The following DLC1 variants were observed in gnomAD, a reference collection of about 807,000 sequenced individuals.
The protein encoded by DLC1 is DLC1 Rho GTPase activating protein, also known as rho GTPase-activating protein 7.
Under a neutral mutation model 140.3 loss-of-function variants are expected in DLC1, and 54 were observed. The observed-to-expected ratio is 0.38, with a 90% CI of 0.31 to 0.48. The LOEUF is 0.48. Among genes scored for constraint, DLC1 ranks in the 20% least tolerant of loss-of-function variants. The pLI is 0.96. For missense variants in DLC1, 2,536 were observed against 1,907.0 expected, an observed-to-expected ratio of 1.33 and a Z score of -6.14; for synonymous variants, 986 against 728.1, an observed-to-expected ratio of 1.35 and a Z score of -5.70.
chr8:13,234,161 T>C (rs1213822616), intron 5 of DLC1, among the ~76,000 whole-genome samples: 1 of 152,162 alleles, frequency 6.6e-6, no homozygotes, highest in Non-Finnish European at 1.5e-5. Context: ...TCTAAAGCTG[T>C]TACCTTTTTA....
At chr8:13,460,011 T>A (rs1249229705) in intron 2 of DLC1, among the ~76,000 whole-genome samples, 1 of 152,114 alleles carries the variant, frequency 6.6e-6, no homozygotes, top group East Asian at 1.9e-4. Context: ...TTCAATTGAA[T>A]TATTTCATCT....
At chr8:13,268,998 C>CA (rs1408400384) in intron 5 of DLC1, among the ~76,000 whole-genome samples, 1 of 151,602 alleles carries the variant, frequency 6.6e-6, no homozygotes, top group Non-Finnish European at 1.5e-5. Flanking sequence ...CCTCAGCCTC[C>CA]GAGTAGCTGG....
At chr8:13,406,182 T>G (rs539566160) in intron 2 of DLC1, among the ~76,000 whole-genome samples, 1,812 of 48,470 alleles carry the variant, frequency 0.037, 45 homozygotes, top group African/African-American at 0.17. Context: ...AATTTTTGTG[T>G]TTTTTTTTTT....
At chr8:13,278,318 G>A (rs904455388) in intron 5 of DLC1, among the ~76,000 whole-genome samples, 7 of 152,200 alleles carry the variant, frequency 4.6e-5, no homozygotes, top group Non-Finnish European at 1.0e-4. Flanking sequence ...GTTTGTGTGT[G>A]TTTCTCCTTC....
intron 5 of DLC1, among the ~76,000 whole-genome samples, chr8:13,120,296 T>C (rs189911524): frequency 8.7e-5 from 12 of 137,284 alleles, no homozygotes; most frequent in South Asian, 2.3e-4. Context: ...TGAGCTGAGA[T>C]TGGGTCACTG....
intron 4 of DLC1, among the ~76,000 whole-genome samples, chr8:13,375,376 T>C (rs1422452429): frequency 6.6e-6 from 1 of 152,334 alleles, no homozygotes; most frequent in East Asian, 1.9e-4. Context: ...GAGAATTTTC[T>C]GAAGTTGCTT....
In DLC1 at chr8:13,415,686, A is replaced by G. The variant is rs545136593; in HGVS notation, c.1024-14067T>C. On this transcript the variant is annotated intron_variant, in intron 2 of 17. Coordinates refer to ENST00000276297, the MANE Select transcript of DLC1 (RefSeq NM_182643.3). ...AGTGCTGGGATTACAGGCATGAGCCACTGCAACCGGCTGATTTAATTTTTA... is the reference window on the plus strand; with the variant it reads ...AGTGCTGGGATTACAGGCATGAGCCGCTGCAACCGGCTGATTTAATTTTTA... 1.7e-4 allele frequency among the ~76,000 whole-genome samples: 26 copies of G among 152,284 alleles called. No individual in the cohort carries two copies. In the East Asian group the frequency reaches 5.0e-3, roughly 29 times the overall value.
chr8:13,157,536 A>T (rs530542340), intron 5 of DLC1, among the ~76,000 whole-genome samples: 39 of 152,190 alleles, frequency 2.6e-4, no homozygotes, highest in Non-Finnish European at 4.9e-4. Flanking sequence ...CCACACACCT[A>T]CTTTTTATTG....
In DLC1 at chr8:13,479,862, A is replaced by AAAAGG. The variant is rs1800626402; in HGVS notation, c.1023+19186_1023+19187insCCTTT. Among the ~76,000 whole-genome samples, 19 of 46,476 alleles carry AAAAGG rather than the reference A, an allele frequency of 4.1e-4. 2 individuals carry two copies. Among genetic ancestry groups the AAAAGG allele is most frequent in the Admixed American group, 8.7e-4 (6 of 6,876 alleles). 30.5% of individuals were successfully genotyped at this position (46,476 alleles called of 152,430 possible). A position where few individuals can be genotyped will look rare whatever the true frequency, so the allele number is the denominator to read the frequency against. On this transcript the variant is annotated intron_variant, in intron 2 of 17. Coordinates refer to ENST00000276297, the MANE Select transcript of DLC1 (RefSeq NM_182643.3). Reference sequence around the variant, plus strand: ...AGAAGAAGAAGAAGAAGAAGAAGAGAAAAAGAAAGAAAGAAAGAAAGAAAG... The same window carrying AAAAGG: ...AGAAGAAGAAGAAGAAGAAGAAGAGAAAAGGAAAAGAAAGAAAGAAAGAAAGAAAG...
intron 1 of DLC1, among the ~76,000 whole-genome samples, chr8:13,565,592 A>T (rs1738645530): frequency 6.6e-6 from 1 of 152,150 alleles, no homozygotes; most frequent in Admixed American, 6.6e-5. Flanking sequence ...TACTTGAGAG[A>T]TGCTTTTTGA....
intron 5 of DLC1, among the ~76,000 whole-genome samples, chr8:13,169,791 A>C (rs1471181297): frequency 6.6e-6 from 1 of 152,062 alleles, no homozygotes; most frequent in African/African-American, 2.4e-5. Flanking sequence ...TGGGAGGCCA[A>C]GGTGGGGGGG....
chr8:13,189,499 C>A (rs1268693490), intron 5 of DLC1, among the ~76,000 whole-genome samples: 1 of 151,990 alleles, frequency 6.6e-6, no homozygotes, highest in African/African-American at 2.4e-5. Flanking sequence ...AGTGTAGTGA[C>A]AATACTCAGG....
intron 4 of DLC1, among the ~76,000 whole-genome samples, chr8:13,321,517 A>C (rs887385041): frequency 1.6e-5 from 2 of 121,266 alleles, no homozygotes; most frequent in Admixed American, 1.2e-4. Context: ...CAGCCTAGCG[A>C]CAGAGAGAGA....
rs1157729483 is a variant in DLC1, at chr8:13,428,891, A to C, written c.1024-27272T>G. ...AGTAACCCAATTATAGAAGAGACCT[A>C]AGTAGACTCTGATCAGGCTACAGGG... is the stretch of plus-strand genomic sequence containing the variant. On this transcript the variant is annotated intron_variant, in intron 2 of 17. Transcript: ENST00000276297. Among the ~76,000 whole-genome samples the C allele has an allele frequency of 3.3e-5, 5 of 152,204 alleles. No individual in the cohort carries two copies. The East Asian group carries it at 5.8e-4, about 18-fold the overall frequency.
chr8:13,497,746 G>A (rs1801579301), intron 2 of DLC1, among the ~76,000 whole-genome samples: 2 of 152,102 alleles, frequency 1.3e-5, no homozygotes, highest in South Asian at 2.1e-4. Context: ...TAGGATATAT[G>A]AAAGTTTTTG....
At chr8:13,333,351 G>A (rs1203204701) in intron 4 of DLC1, among the ~76,000 whole-genome samples, 2 of 152,094 alleles carry the variant, frequency 1.3e-5, no homozygotes, top group Non-Finnish European at 2.9e-5. Flanking sequence ...TCAGCCTCCC[G>A]AGTAGCTGAG....
chr8:13,239,567 G>A (rs932330067), intron 5 of DLC1, among the ~76,000 whole-genome samples: 15 of 152,142 alleles, frequency 9.9e-5, no homozygotes, highest in Admixed American at 9.2e-4. Context: ...CAGGGACTGA[G>A]TCTAGGATCC....
rs145781882 is a variant in DLC1 at position 13,325,735 on chromosome 8, C to T, written c.1315-20433G>A. Among the ~76,000 whole-genome samples the T allele has an allele frequency of 3.3e-3, 505 of 152,206 alleles. 3 individuals carry two copies. Among genetic ancestry groups the T allele is most frequent in the African/African-American group, 0.012 (478 of 41,520 alleles). ...GATTAAGTTCAGGAGAGAATATTCT[C>T]TGGGAAAAATGGGCATTAAAAGAAA... On this transcript the variant is annotated intron_variant, in intron 4 of 17. Coordinates refer to ENST00000276297, the MANE Select transcript of DLC1 (RefSeq NM_182643.3).
intron 1 of DLC1, among the ~76,000 whole-genome samples, chr8:13,538,296 A>G (rs1197078117): frequency 6.6e-6 from 1 of 152,098 alleles, no homozygotes; most frequent in Non-Finnish European, 1.5e-5. Flanking sequence ...CAATGTTTAT[A>G]AACTTTCGTG....
Sources: allele counts gnomAD v4.1 joint callset (sites outside exome capture counted in the v4.1 genomes callset), GRCh38; gene constraint gnomAD v4.1.1; transcripts MANE v1.5; gene names NCBI Gene and HGNC (gene_info 2026-07-23, HGNC 2026-07-21).